TRIP12: variants seen among roughly 807,000 people sequenced by gnomAD.
TRIP12 encodes E3 ubiquitin-protein ligase TRIP12.
In TRIP12, 25 loss-of-function variants were observed where a neutral mutation model predicts 244.2. The observed-to-expected ratio is 0.10, with a 90% CI of 0.07 to 0.14. TRIP12 has a LOEUF of 0.14. TRIP12 is among the 10% of genes least tolerant of loss of function. The pLI, the probability that TRIP12 is intolerant of heterozygous loss-of-function variation, is 1.00. For synonymous variants in TRIP12, 905 were observed against 873.1 expected (o/e 1.04, Z -0.64); for missense variants, 1,677 against 2,486.4 (o/e 0.67, Z 6.92).
intron 23 of TRIP12, 86 bp from the exon 24 acceptor site, chr2:229,797,917 T>A: frequency 7.4e-7 from 1 of 1,358,470 alleles, no homozygotes; most frequent in Non-Finnish European, 1.0e-6. Context: ...CTGCTACATT[T>A]AAAATTCATC....
Position 229,767,586 on chromosome 2 carries a change from T to C in TRIP12, c.6172A>G (p.Arg2058Gly). ...IMREKLLIAAREGQQSFHLS is the reference protein window; with the variant it reads ...IMREKLLIAAGEGQQSFHLS The stretch of plus-strand genomic sequence containing the variant: ...AGATGGAACGACTGCTGCCCTTCTC[T>C]TGCTGCTATCAACAGTTTTTCACGC... Residue 2058 changes from arginine to glycine, a missense_variant, in exon 42 of 42, where the codon AGA becomes GGA. By Grantham distance (125) the Arg-to-Gly change is moderately radical (BLOSUM62 -2). Coordinates refer to ENST00000675903, the MANE Select transcript of TRIP12 (RefSeq NM_001348323.3). 1 of 1,613,296 alleles carries C rather than the reference T, an allele frequency of 6.2e-7. No individual in the cohort carries two copies. Among genetic ancestry groups the C allele is most frequent in the Non-Finnish European group, 8.5e-7 (1 of 1,179,736 alleles).
rs191187142 is a variant in TRIP12, at chr2:229,849,062, G to A, written c.1028-8135C>T. On this transcript the variant is annotated intron_variant, in intron 4 of 41. Transcript: ENST00000675903. ...TGAAGAAAATCCCAAGGCTGAAGCC[G>A]TATAACCAGGCATAATGAACAACCA... Among the ~76,000 whole-genome samples the A allele has an allele frequency of 2.0e-3, 305 of 152,306 alleles. 2 individuals are homozygous for A. The highest frequency in any genetic ancestry group is 7.0e-3 in the African/African-American group (291 of 41,564).
chr2:229,867,155 T>TTTTG lies in TRIP12; in HGVS notation c.99-6628_99-6625dup, dbSNP rs1299978362. Among the ~76,000 whole-genome samples the TTTTG allele has an allele frequency of 8.6e-3, 819 of 95,098 alleles. 10 individuals carry two copies. The highest frequency in any genetic ancestry group is 0.027 in the African/African-American group (767 of 28,238). The allele number at this position is 95,098 out of a possible 152,430, so 62.4% of individuals were successfully genotyped here. A position where few individuals can be genotyped will look rare whatever the true frequency, so the allele number is the denominator to read the frequency against. On this transcript the variant is annotated intron_variant, in intron 2 of 41. Coordinates refer to ENST00000675903, the MANE Select transcript of TRIP12 (RefSeq NM_001348323.3). ...CTATGGTCAGACAGGGAAGGTTTTT[T>TTTTG]TTTGTTTGTTTGTTTGTTTTTTTTT...
At chr2:229,805,190 A>T (rs1195538369) in intron 18 of TRIP12, among the ~76,000 whole-genome samples, 1 of 132,702 alleles carries the variant, frequency 7.5e-6, no homozygotes, top group Non-Finnish European at 1.7e-5. Context: ...CAGGCGTGAG[A>T]CACCATGCCC....
intron 8 of TRIP12, among the ~76,000 whole-genome samples, chr2:229,828,020 T>TTA (rs2052221656): frequency 6.6e-6 from 1 of 152,218 alleles, no homozygotes; most frequent in Admixed American, 6.5e-5. Context: ...TTCAGCTCCA[T>TTA]TATAATCTTG....
chr2:229,769,620 T>C (rs1167715773), intron 39 of TRIP12, among the ~76,000 whole-genome samples: 2 of 152,124 alleles, frequency 1.3e-5, no homozygotes, highest in Admixed American at 1.3e-4. Context: ...CAGTTTTCCT[T>C]TCTTCTCATT....
intron 8 of TRIP12, among the ~76,000 whole-genome samples, chr2:229,822,462 A>T (rs149731207): frequency 1.3e-3 from 198 of 152,364 alleles, no homozygotes; most frequent in African/African-American, 4.4e-3. Context: ...AACAGTGACT[A>T]GCAAGAGGTG....
At chr2:229,878,929 G>A (rs765607370) in intron 2 of TRIP12, among the ~76,000 whole-genome samples, 1 of 151,474 alleles carries the variant, frequency 6.6e-6, no homozygotes, top group Non-Finnish European at 1.5e-5. Context: ...TCATGGTTAT[G>A]GCCGCAAACT....
chr2:229,879,019 G>A (rs572531793), intron 2 of TRIP12, among the ~76,000 whole-genome samples: 3 of 152,086 alleles, frequency 2.0e-5, no homozygotes, highest in Admixed American at 2.0e-4. Context: ...TTGGGAGGCC[G>A]AGGCGGGTGA....
intron 1 of TRIP12, among the ~76,000 whole-genome samples, chr2:229,890,670 T>G (rs987712997): frequency 6.6e-6 from 1 of 152,182 alleles, no homozygotes; most frequent in Non-Finnish European, 1.5e-5. Context: ...TGGTGAATAA[T>G]AGTGTCAAAT....
At chr2:229,832,945 A>G (rs183403403) in intron 6 of TRIP12, among the ~76,000 whole-genome samples, 46 of 152,346 alleles carry the variant, frequency 3.0e-4, no homozygotes, top group Non-Finnish European at 4.7e-4. Context: ...CAAATGAAAT[A>G]GTGGGTATTT....
At chr2:229,861,647 G>T (rs1392367763) in intron 2 of TRIP12, among the ~76,000 whole-genome samples, 1 of 152,056 alleles carries the variant, frequency 6.6e-6, no homozygotes, top group Non-Finnish European at 1.5e-5. Flanking sequence ...AATTTCTTAA[G>T]ATATCATACA....
At chr2:229,872,782 A>G (rs1278957683) in intron 2 of TRIP12, among the ~76,000 whole-genome samples, 1 of 152,236 alleles carries the variant, frequency 6.6e-6, no homozygotes, top group East Asian at 1.9e-4. Context: ...CTATAAACTT[A>G]CAGGACTTAC....
chr2:229,863,836 C>A (rs2060878357), intron 2 of TRIP12, among the ~76,000 whole-genome samples: 1 of 152,150 alleles, frequency 6.6e-6, no homozygotes, highest in South Asian at 2.1e-4. Context: ...AGCCTTAATC[C>A]TTCAACTTTA....
At chr2:229,876,477 C>T (rs185400187) in intron 2 of TRIP12, among the ~76,000 whole-genome samples, 3 of 152,264 alleles carry the variant, frequency 2.0e-5, no homozygotes, top group African/African-American at 7.2e-5. Flanking sequence ...ATTTCTATGT[C>T]CTGATCACAC....
chr2:229,805,645 A>T, intron 18 of TRIP12, 85 bp downstream of exon 18: 1 of 1,285,116 alleles, frequency 7.8e-7, no homozygotes, highest in Non-Finnish European at 1.0e-6. Context: ...TTAAAAAGAT[A>T]CTTAATAAGC....
intron 1 of TRIP12, among the ~76,000 whole-genome samples, chr2:229,901,062 T>C (rs1054147131): frequency 6.6e-6 from 1 of 151,156 alleles, no homozygotes; most frequent in African/African-American, 2.4e-5. Context: ...TCCTCACTAG[T>C]AGCTGGGATT....
chr2:229,792,846 T>C (rs2041894579), intron 27 of TRIP12, 127 bp downstream of exon 27: 1 of 970,238 alleles, frequency 1.0e-6, no homozygotes. Flanking sequence ...AAGACAGGAA[T>C]ATAAGTTCCT....
chr2:229,867,953 A>G (rs2154343583), intron 2 of TRIP12, among the ~76,000 whole-genome samples: 1 of 152,324 alleles, frequency 6.6e-6, no homozygotes. Context: ...CTAACTTCCA[A>G]CTACAGAAAA....
Sources: gnomAD v4.1 joint callset for allele counts (sites outside exome capture counted in the v4.1 genomes callset) on GRCh38, gnomAD v4.1.1 for gene constraint, MANE v1.5 for transcripts, NCBI Gene and HGNC (gene_info 2026-07-23, HGNC 2026-07-21) for gene names.